ASH1L: variants seen among roughly 807,000 people sequenced by gnomAD.
ASH1L encodes histone-lysine N-methyltransferase ASH1L.
Under a neutral mutation model 269.0 loss-of-function variants are expected in ASH1L, and 23 were observed. That is an observed-to-expected ratio of 0.09 (90% CI 0.06 to 0.12). ASH1L has a LOEUF of 0.12. ASH1L is among the 10% of genes least tolerant of loss of function. The pLI is 1.00. For missense variants in ASH1L, 2,912 were observed against 3,567.8 expected, an observed-to-expected ratio of 0.82 and a Z score of 4.68; for synonymous variants, 1,187 against 1,253.5, an observed-to-expected ratio of 0.95 and a Z score of 1.12.
chr1:155,409,805 G>C (rs1205275595), intron 6 of ASH1L, among the ~76,000 whole-genome samples: 1 of 152,052 alleles, frequency 6.6e-6, no homozygotes, highest in East Asian at 1.9e-4. Context: ...TAATCATGAA[G>C]ATAGGATCAA....
intron 1 of ASH1L, among the ~76,000 whole-genome samples, chr1:155,524,812 C>T (rs72995145): frequency 1.6e-3 from 241 of 152,032 alleles, no homozygotes; most frequent in African/African-American, 5.6e-3. Context: ...TACACTCTAG[C>T]TTGGGCAACA....
intron 2 of ASH1L, among the ~76,000 whole-genome samples, chr1:155,484,959 A>AC (rs1297591661): frequency 2.2e-5 from 3 of 136,230 alleles, no homozygotes; most frequent in African/African-American, 8.5e-5. Context: ...ACAAAAACAA[A>AC]AACAAAAACC....
chr1:155,509,258 T>C lies in ASH1L; in HGVS notation c.420+11842A>G, dbSNP rs568619224. Among the ~76,000 whole-genome samples, 6 of 152,174 alleles carry C rather than the reference T, an allele frequency of 3.9e-5. No homozygotes were observed. In the South Asian group the frequency reaches 6.2e-4, roughly 16 times the overall value. On this transcript the variant is annotated intron_variant, in intron 2 of 27. Coordinates refer to ENST00000392403, the MANE Select transcript of ASH1L (RefSeq NM_018489.3). Reference sequence around the variant, plus strand: ...GATTTGCCAGGCTGGGACAGGAAGATAGCTTGATCCCCAGGATGATCCCCA... The same window carrying C: ...GATTTGCCAGGCTGGGACAGGAAGACAGCTTGATCCCCAGGATGATCCCCA...
intron 5 of ASH1L, among the ~76,000 whole-genome samples, chr1:155,437,968 C>A (rs1049151844): frequency 6.6e-6 from 1 of 152,206 alleles, no homozygotes; most frequent in African/African-American, 2.4e-5. Context: ...CCCTCCTCAG[C>A]CTCCTGAGTA....
intron 1 of ASH1L, among the ~76,000 whole-genome samples, chr1:155,552,034 T>C (rs567661447): frequency 2.3e-4 from 35 of 152,282 alleles, no homozygotes; most frequent in African/African-American, 7.9e-4. Context: ...CAGTATGTTA[T>C]ATCAGTACTA....
In ASH1L at chr1:155,438,709, T is replaced by C. The variant is rs1327531465; in HGVS notation, c.5446A>G (p.Ile1816Val). The C allele has an allele frequency of 2.5e-6, 4 of 1,613,924 alleles. No homozygotes were observed. In the African/African-American group the frequency reaches 5.3e-5, roughly 22 times the overall value. The change falls in exon 5 of 28, where the codon ATC (isoleucine) becomes GTC (valine). Residue 1816 changes from isoleucine to valine, a missense_variant. Ile to Val is a conservative substitution (Grantham distance 29). Transcript: ENST00000392403. ...QARKMCNYDK[I>V]LATKKNLDHV... ...TCTAGGTTTTTCTTTGTGGCCAAGA[T>C]TTTGTCGTAATTGCACATTTTCCGA...
At chr1:155,451,114 A>G (rs1425949580) in intron 4 of ASH1L, among the ~76,000 whole-genome samples, 1 of 151,274 alleles carries the variant, frequency 6.6e-6, no homozygotes, top group Non-Finnish European at 1.5e-5. Flanking sequence ...GGAGAATCAC[A>G]TGAACCCAGG....
chr1:155,386,170 C>A lies in ASH1L; in HGVS notation c.6104-6054G>T, dbSNP rs546480542. The stretch of plus-strand genomic sequence containing the variant: ...GCAACCTGTGCCTCCTGAGTTCAAG[C>A]GATTCTCCCGCCTCAGCCTCCCAAG... On this transcript the variant is annotated intron_variant, in intron 7 of 27. Transcript: ENST00000392403. Among the ~76,000 whole-genome samples the A allele has an allele frequency of 1.9e-3, 281 of 151,418 alleles. 2 individuals are homozygous for A. Among genetic ancestry groups the A allele is most frequent in the African/African-American group, 6.5e-3 (270 of 41,258 alleles).
rs951527512 is a variant in ASH1L, at chr1:155,469,660, T to G, written c.4984+8226A>C. Among the ~76,000 whole-genome samples, 4 of 152,210 alleles carry G rather than the reference T, an allele frequency of 2.6e-5. No homozygotes were observed. In the East Asian group the frequency reaches 7.7e-4, roughly 29 times the overall value. On this transcript the variant is annotated intron_variant, in intron 3 of 27. Coordinates refer to ENST00000392403, the MANE Select transcript of ASH1L (RefSeq NM_018489.3). ...AAAACAGGCTTGAAATCCAAATTTATTACCTATTTCCAACCTTATCCTTTT... is the reference window on the plus strand; with the variant it reads ...AAAACAGGCTTGAAATCCAAATTTAGTACCTATTTCCAACCTTATCCTTTT...
In ASH1L at chr1:155,479,620, C is replaced by T. The variant is rs1214446325; in HGVS notation, c.3250G>A (p.Ala1084Thr). 5 of 1,614,084 alleles carry T rather than the reference C, an allele frequency of 3.1e-6. No individual in the cohort carries two copies. The highest frequency in any genetic ancestry group is 4.2e-6 in the Non-Finnish European group (5 of 1,180,034). The change falls in exon 3 of 28, where the codon GCA (alanine) becomes ACA (threonine). Residue 1084 changes from alanine (A) to threonine (T), a missense_variant. By Grantham distance (58) the Ala-to-Thr change is moderately conservative. Around this residue, in one of 13 missense-constraint regions of ASH1L, gnomAD observed 157 missense variants for 154.6 expected, o/e 1.02. Transcript: ENST00000392403. ...EQTAQQAAGS[A>T]LGQILPPLLP... The stretch of plus-strand genomic sequence containing the variant: ...AATGGGGGAAGAATCTGTCCTAATG[C>T]TGACCCAGCTGCCTGTTGAGCTGTT...
chr1:155,473,463 T>C (rs1056683338), intron 3 of ASH1L, among the ~76,000 whole-genome samples: 5 of 152,044 alleles, frequency 3.3e-5, no homozygotes, highest in Admixed American at 1.3e-4. Context: ...TCCTGGAAGG[T>C]TAATGCCTAT....
chr1:155,360,434 T>C (rs1654842899), intron 12 of ASH1L, 25 bp from the exon 13 acceptor site: 2 of 1,492,040 alleles, frequency 1.3e-6, no homozygotes, highest in African/African-American at 1.4e-5. Context: ...AACAGAGTTA[T>C]AAAGGCTGGA....
intron 1 of ASH1L, among the ~76,000 whole-genome samples, chr1:155,556,401 C>CGTGTGT (rs71080711): frequency 6.0e-4 from 84 of 140,566 alleles, no homozygotes; most frequent in African/African-American, 1.6e-3. Context: ...CATATATATA[C>CGTGTGT]GTGTGTGTGT....
intron 2 of ASH1L, among the ~76,000 whole-genome samples, chr1:155,487,339 A>G (rs1666395791): frequency 6.6e-6 from 1 of 152,174 alleles, no homozygotes; most frequent in Non-Finnish European, 1.5e-5. Flanking sequence ...ATGAGAAAGA[A>G]GCCCAAGGGG....
At position 155,438,963 on chromosome 1, in the gene ASH1L, T is replaced by G. The variant is rs772704516; in HGVS notation, c.5192A>C (p.Glu1731Ala). 6.2e-7 allele frequency: 1 copy of G among 1,614,080 alleles called. No homozygotes were observed. Among genetic ancestry groups the G allele is most frequent in the Non-Finnish European group, 8.5e-7 (1 of 1,180,046 alleles). Residue 1731 changes from glutamate (E) to alanine (A), a missense_variant, in exon 5 of 28, where the codon GAG (glutamate) becomes GCG (alanine). Coordinates refer to ENST00000392403, the MANE Select transcript of ASH1L (RefSeq NM_018489.3). ...MVQNEDQEPM[E>A]KSIDAVIATA... ...TGCAATCACAGCATCAATACTTTTC[T>G]CCATGGGCTCTTGGTCCTCATTTTG... is the stretch of plus-strand genomic sequence containing the variant.
At chr1:155,506,628 T>C (rs953767290) in intron 2 of ASH1L, among the ~76,000 whole-genome samples, 1 of 151,928 alleles carries the variant, frequency 6.6e-6, no homozygotes, top group South Asian at 2.1e-4. Flanking sequence ...ACCTGGGAGG[T>C]GGAGACTGCA....
At chr1:155,399,313 T>A (rs1002886922) in intron 6 of ASH1L, among the ~76,000 whole-genome samples, 3 of 152,196 alleles carry the variant, frequency 2.0e-5, no homozygotes, top group Non-Finnish European at 2.9e-5. Flanking sequence ...TATGTAGATA[T>A]CTAGATTATC....
At chr1:155,513,353 C>A (rs1668294109) in intron 2 of ASH1L, among the ~76,000 whole-genome samples, 1 of 151,810 alleles carries the variant, frequency 6.6e-6, no homozygotes, top group African/African-American at 2.4e-5. Context: ...GACTGTCCAG[C>A]CTGTCCAGGA....
At chr1:155,347,935 G>A in intron 19 of ASH1L, 31 bp from the exon 20 acceptor site, 1 of 1,610,600 alleles carries the variant, frequency 6.2e-7, no homozygotes, top group Non-Finnish European at 8.5e-7. Context: ...AATCATGTTT[G>A]GTTCTCTCAA....
Sources: gnomAD v4.1 joint callset for allele counts (sites outside exome capture counted in the v4.1 genomes callset) on GRCh38, gnomAD v4.1.1 for gene constraint, gnomAD v4.1.1 regional missense constraint, MANE v1.5 for transcripts, NCBI Gene and HGNC (gene_info 2026-07-23, HGNC 2026-07-21) for gene names.